The following CRACD variants were observed in gnomAD, a reference collection of about 807,000 sequenced individuals.
CRACD encodes capping protein-inhibiting regulator of actin dynamics.
In CRACD, 56 loss-of-function variants were observed where a neutral mutation model predicts 106.8. The ratio of observed to expected loss-of-function variants is 0.52; its 90% CI spans 0.42 to 0.66. The LOEUF is 0.66. CRACD is among the 30% of genes least tolerant of loss of function. The probability of loss-of-function intolerance (pLI) is 0.00; values close to 1 mark genes in which losing one functional copy is unlikely to be tolerated. For missense variants in CRACD, 1,730 were observed against 1,623.2 expected, an observed-to-expected ratio of 1.07 and a Z score of -1.13; for synonymous variants, 754 against 670.8, an observed-to-expected ratio of 1.12 and a Z score of -1.92.
intron 1 of CRACD, among the ~76,000 whole-genome samples, chr4:56,151,458 T>A (rs988457464): frequency 6.6e-6 from 1 of 152,146 alleles, no homozygotes; most frequent in Non-Finnish European, 1.5e-5. Context: ...AATAATGTTT[T>A]TTCTTGAGCC....
At chr4:56,171,594 A>G (rs1207056933) in intron 1 of CRACD, among the ~76,000 whole-genome samples, 1 of 152,210 alleles carries the variant, frequency 6.6e-6, no homozygotes, top group Non-Finnish European at 1.5e-5. Flanking sequence ...AAAGGAGTGA[A>G]CAATGCTGAG....
intron 1 of CRACD, among the ~76,000 whole-genome samples, chr4:56,126,483 C>T (rs1734664207): frequency 1.3e-5 from 2 of 152,180 alleles, no homozygotes; most frequent in African/African-American, 4.8e-5. Context: ...TCTCCATTCT[C>T]TAAGGATAAC....
At chr4:56,181,806 C>T (rs1210160903) in intron 2 of CRACD, among the ~76,000 whole-genome samples, 5 of 152,136 alleles carry the variant, frequency 3.3e-5, no homozygotes, top group Non-Finnish European at 5.9e-5. Context: ...TGTCTTCCCT[C>T]TTCTTATAAG....
intron 1 of CRACD, among the ~76,000 whole-genome samples, chr4:56,080,546 G>T (rs1199451431): frequency 6.6e-6 from 1 of 152,248 alleles, no homozygotes; most frequent in African/African-American, 2.4e-5. Context: ...ACACATGCAT[G>T]CTACTGCATG....
intron 2 of CRACD, among the ~76,000 whole-genome samples, chr4:56,270,185 T>A (rs1166170572): frequency 1.3e-5 from 2 of 151,944 alleles, no homozygotes; most frequent in Non-Finnish European, 2.9e-5. Context: ...TAGGATGAAA[T>A]AGTTTGAACC....
chr4:56,113,840 C>T (rs1734196958), intron 1 of CRACD, among the ~76,000 whole-genome samples: 1 of 152,082 alleles, frequency 6.6e-6, no homozygotes, highest in African/African-American at 2.4e-5. Flanking sequence ...GAATTCTTTT[C>T]CTTGGACTGA....
rs575350838 is a variant in CRACD, at chr4:56,249,063, G to C, written c.-188-23258G>C. On this transcript the variant is annotated intron_variant, in intron 2 of 10. Transcript: ENST00000682029. ...TGTGCATGTGTCTTTATAGCGGCATGATTTATAGTCCTTTGGGTATATACC... is the reference window on the plus strand; with the variant it reads ...TGTGCATGTGTCTTTATAGCGGCATCATTTATAGTCCTTTGGGTATATACC... 2.7e-5 allele frequency among the ~76,000 whole-genome samples: 3 copies of C among 113,088 alleles called. No homozygotes were observed. In the East Asian group the frequency reaches 9.2e-4, roughly 35 times the overall value. 74.2% of individuals were successfully genotyped at this position (113,088 alleles called of 152,430 possible). A position where few individuals can be genotyped will look rare whatever the true frequency, so the allele number is the denominator to read the frequency against.
At chr4:56,053,015 G>A (rs1009841305) in intron 1 of CRACD, among the ~76,000 whole-genome samples, 45 of 152,178 alleles carry the variant, frequency 3.0e-4, no homozygotes, top group African/African-American at 1.0e-3. Flanking sequence ...GGTCTTTGAT[G>A]TAAATATTTT....
intron 1 of CRACD, among the ~76,000 whole-genome samples, chr4:56,129,957 C>G (rs1470818977): frequency 6.6e-6 from 1 of 152,112 alleles, no homozygotes; most frequent in Non-Finnish European, 1.5e-5. Context: ...CTTACTTATG[C>G]TATATAGCTA....
chr4:56,070,714 G>T (rs1415510088), intron 1 of CRACD, among the ~76,000 whole-genome samples: 1 of 152,172 alleles, frequency 6.6e-6, no homozygotes, highest in Non-Finnish European at 1.5e-5. Flanking sequence ...TGCTAAAGCT[G>T]CTCTGCTCGG....
At chr4:56,099,850 T>A (rs897002056) in intron 1 of CRACD, among the ~76,000 whole-genome samples, 1 of 152,194 alleles carries the variant, frequency 6.6e-6, no homozygotes, top group Non-Finnish European at 1.5e-5. Flanking sequence ...AGAAATCATA[T>A]GTGTGTCATT....
chr4:56,254,708 A>T (rs891145320), intron 2 of CRACD, among the ~76,000 whole-genome samples: 1 of 151,912 alleles, frequency 6.6e-6, no homozygotes, highest in South Asian at 2.1e-4. Flanking sequence ...TCTGCCCTAC[A>T]TCTCTAAGAG....
intron 8 of CRACD, among the ~76,000 whole-genome samples, chr4:56,317,579 G>A (rs1040336923): frequency 5.3e-5 from 8 of 152,184 alleles, no homozygotes; most frequent in African/African-American, 1.9e-4. Flanking sequence ...TAAAACTGGA[G>A]TGTCCCCTAC....
chr4:56,301,681 C>A (rs1374125546), intron 4 of CRACD, among the ~76,000 whole-genome samples: 2 of 151,792 alleles, frequency 1.3e-5, no homozygotes, highest in South Asian at 4.2e-4. Context: ...CTAGTGCCTG[C>A]ACATGGTGGG....
intron 2 of CRACD, among the ~76,000 whole-genome samples, chr4:56,248,452 G>A (rs1740831105): frequency 6.6e-6 from 1 of 151,492 alleles, no homozygotes; most frequent in Admixed American, 6.6e-5. Context: ...TAGGTCATAG[G>A]CATATATTTT....
chr4:56,313,398 G>A lies in CRACD; in HGVS notation c.537+19G>A, dbSNP rs918116729. 3.7e-6 allele frequency: 6 copies of A among 1,601,218 alleles called. No homozygotes were observed. The highest frequency in any genetic ancestry group is 4.3e-6 in the Non-Finnish European group (5 of 1,172,228). ...TGCCCAGGTGTGTAGAGCCTGCACG[G>A]GCTGACCAGGCAGGTGCCCTTGCCT... On this transcript the variant is annotated intron_variant, in intron 7 of 10. Coordinates refer to ENST00000682029, the MANE Select transcript of CRACD (RefSeq NM_001393381.1).
chr4:56,099,188 C>T (rs1733701658), intron 1 of CRACD, among the ~76,000 whole-genome samples: 1 of 152,066 alleles, frequency 6.6e-6, no homozygotes, highest in African/African-American at 2.4e-5. Context: ...TTGTAGCTAC[C>T]TTCAGAGTCA....
At chr4:56,100,773 CCTTGGT>C (rs1347722029) in intron 1 of CRACD, among the ~76,000 whole-genome samples, 1 of 152,154 alleles carries the variant, frequency 6.6e-6, no homozygotes, top group African/African-American at 2.4e-5. Context: ...TCTGTTGGCA[CCTTGGT>C]CTTGGACTTC....
chr4:56,157,791 T>C (rs1735814017), intron 1 of CRACD, among the ~76,000 whole-genome samples: 1 of 152,220 alleles, frequency 6.6e-6, no homozygotes, highest in Non-Finnish European at 1.5e-5. Flanking sequence ...AGGATAACTT[T>C]GCCTTCCTGA....
Sources: gnomAD v4.1 joint callset for allele counts (sites outside exome capture counted in the v4.1 genomes callset) on GRCh38, gnomAD v4.1.1 for gene constraint, MANE v1.5 for transcripts, NCBI Gene and HGNC (gene_info 2026-07-23, HGNC 2026-07-21) for gene names.